ASIC2: variants seen among roughly 807,000 people sequenced by gnomAD.
The protein encoded by ASIC2 is acid sensing ion channel subunit 2.
In ASIC2, 25 loss-of-function variants were observed where a neutral mutation model predicts 57.3. The observed-to-expected ratio is 0.44, with a 90% confidence interval of 0.32 to 0.61. The LOEUF is 0.61. ASIC2 is among the 20% of genes least tolerant of loss of function. The pLI is 0.06. For synonymous variants in ASIC2, 319 were observed against 307.5 expected (o/e 1.04, Z -0.39); for missense variants, 641 against 738.1 (o/e 0.87, Z 1.52).
intron 1 of ASIC2, among the ~76,000 whole-genome samples, chr17:33,982,878 T>C (rs1905675480): frequency 6.6e-6 from 1 of 152,236 alleles, no homozygotes; most frequent in Non-Finnish European, 1.5e-5. Flanking sequence ...TAGAACTCCC[T>C]GATATCATAT....
intron 1 of ASIC2, among the ~76,000 whole-genome samples, chr17:33,349,272 A>G (rs1394190457): frequency 6.6e-6 from 1 of 152,202 alleles, no homozygotes; most frequent in Admixed American, 6.5e-5. Context: ...AAAATGTAAA[A>G]TGCTCTGTGG....
intron 1 of ASIC2, among the ~76,000 whole-genome samples, chr17:33,326,118 T>C (rs1490415872): frequency 6.6e-6 from 1 of 152,228 alleles, no homozygotes; most frequent in African/African-American, 2.4e-5. Context: ...TTTTTGGTCA[T>C]TTCAGAGATT....
chr17:33,404,676 G>T (rs1286139508), intron 1 of ASIC2, among the ~76,000 whole-genome samples: 5 of 152,302 alleles, frequency 3.3e-5, no homozygotes, highest in South Asian at 4.1e-4. Context: ...CTGTTACCAT[G>T]CACTCTTCTG....
intron 1 of ASIC2, among the ~76,000 whole-genome samples, chr17:33,786,508 G>A (rs1911604147): frequency 6.6e-6 from 1 of 152,056 alleles, no homozygotes; most frequent in African/African-American, 2.4e-5. Context: ...ACATATAAAG[G>A]ACATTTTTAA....
intron 1 of ASIC2, among the ~76,000 whole-genome samples, chr17:33,223,510 A>G (rs1439148488): frequency 1.3e-5 from 2 of 152,194 alleles, no homozygotes; most frequent in African/African-American, 4.8e-5. Flanking sequence ...GTCCCTTAAG[A>G]GCAGATTAGT....
intron 1 of ASIC2, among the ~76,000 whole-genome samples, chr17:34,007,629 A>T (rs777324924): frequency 2.0e-5 from 3 of 152,214 alleles, no homozygotes; most frequent in Non-Finnish European, 4.4e-5. Context: ...AGCCAGAATG[A>T]GGTCCCAGGT....
intron 3 of ASIC2, among the ~76,000 whole-genome samples, chr17:33,062,997 T>A (rs2092027134): frequency 6.6e-6 from 1 of 152,224 alleles, no homozygotes; most frequent in African/African-American, 2.4e-5. Context: ...CTGCCTTTTT[T>A]TGTTTTCGAT....
At chr17:33,162,099 C>T (rs1162573228) in intron 1 of ASIC2, among the ~76,000 whole-genome samples, 1 of 152,076 alleles carries the variant, frequency 6.6e-6, no homozygotes, top group Non-Finnish European at 1.5e-5. Context: ...TTCATGTTGC[C>T]TAGCAGTCAT....
At chr17:33,409,926 C>T (rs1910597094) in intron 1 of ASIC2, among the ~76,000 whole-genome samples, 1 of 152,176 alleles carries the variant, frequency 6.6e-6, no homozygotes, top group Admixed American at 6.5e-5. Flanking sequence ...CCAGTTGATC[C>T]AGCTCAGGCC....
chr17:33,819,173 T>C (rs538814433), intron 1 of ASIC2, among the ~76,000 whole-genome samples: 42 of 152,372 alleles, frequency 2.8e-4, no homozygotes, highest in African/African-American at 1.0e-3. Flanking sequence ...CCAGGAAGGA[T>C]GGAGGCTGGA....
chr17:33,319,358 G>A (rs1281540068), intron 1 of ASIC2, among the ~76,000 whole-genome samples: 3 of 152,180 alleles, frequency 2.0e-5, no homozygotes, highest in Admixed American at 6.5e-5. Context: ...ATTGGGACAC[G>A]TAGCTGCCCA....
At chr17:33,480,865 C>A (rs1212838333) in intron 1 of ASIC2, among the ~76,000 whole-genome samples, 1 of 152,180 alleles carries the variant, frequency 6.6e-6, no homozygotes, top group East Asian at 1.9e-4. Context: ...GCATCCAACA[C>A]CCATGCCTCC....
intron 1 of ASIC2, among the ~76,000 whole-genome samples, chr17:33,368,105 C>T (rs1050099637): frequency 4.6e-5 from 7 of 152,210 alleles, no homozygotes; most frequent in Non-Finnish European, 1.0e-4. Flanking sequence ...GAAGTTAAAT[C>T]TATGCTCTCT....
intron 1 of ASIC2, among the ~76,000 whole-genome samples, chr17:33,985,275 G>C (rs575651523): frequency 6.6e-6 from 1 of 152,208 alleles, no homozygotes; most frequent in African/African-American, 2.4e-5. Flanking sequence ...TGAAAATTAT[G>C]CCCACCCCAA....
At chr17:33,715,873 A>G (rs1486168295) in intron 1 of ASIC2, among the ~76,000 whole-genome samples, 1 of 152,180 alleles carries the variant, frequency 6.6e-6, no homozygotes, top group African/African-American at 2.4e-5. Flanking sequence ...CGTCATGTAG[A>G]TACAGAGAGA....
At chr17:33,423,657 G>A (rs1390450529) in intron 1 of ASIC2, among the ~76,000 whole-genome samples, 1 of 152,136 alleles carries the variant, frequency 6.6e-6, no homozygotes, top group Non-Finnish European at 1.5e-5. Flanking sequence ...CAGCTACTCA[G>A]GGTTCAGCAA....
chr17:33,238,586 C>T (rs1466208277), intron 1 of ASIC2, among the ~76,000 whole-genome samples: 1 of 152,222 alleles, frequency 6.6e-6, no homozygotes, highest in Non-Finnish European at 1.5e-5. Flanking sequence ...CCTGCCCTGT[C>T]AGCTCTGGCC....
chr17:33,070,110 C>A (rs1175928508), intron 3 of ASIC2, among the ~76,000 whole-genome samples: 1 of 152,140 alleles, frequency 6.6e-6, no homozygotes, highest in Non-Finnish European at 1.5e-5. Context: ...TCAAGTATAG[C>A]ACTTCAGGCA....
chr17:34,143,497 T>C (rs1038012261), intron 1 of ASIC2, among the ~76,000 whole-genome samples: 2 of 152,232 alleles, frequency 1.3e-5, no homozygotes, highest in Non-Finnish European at 2.9e-5. Flanking sequence ...GAGCAGATTC[T>C]TATAAAGCAA....
Sources: allele counts gnomAD v4.1 joint callset (sites outside exome capture counted in the v4.1 genomes callset), GRCh38; gene constraint gnomAD v4.1.1; transcripts MANE v1.5; gene names NCBI Gene and HGNC (gene_info 2026-07-23, HGNC 2026-07-21).